The following SMKR1 variants were observed in gnomAD, a reference collection of about 807,000 sequenced individuals.
SMKR1 encodes small lysine rich protein 1, also known as small lysine-rich protein 1.
In SMKR1, 4 loss-of-function variants were observed where a neutral mutation model predicts 4.0. That is an observed-to-expected ratio of 1.00 (90% confidence interval 0.49 to 2.30). The LOEUF is 2.30. SMKR1 is among the 30% of genes most tolerant of loss of function. The probability of loss-of-function intolerance (pLI) is 0.02; values close to 1 mark genes in which losing one functional copy is unlikely to be tolerated. For missense variants in SMKR1, 56 were observed against 81.8 expected (o/e 0.68, Z 1.22); for synonymous variants, 38 against 32.5 (o/e 1.17, Z -0.58).
At chr7:129,510,047 T>C (rs1799510721) in intron 1 of SMKR1, among the ~76,000 whole-genome samples, 1 of 152,224 alleles carries the variant, frequency 6.6e-6, no homozygotes. Flanking sequence ...TCTGTATGTG[T>C]GGGTCAGAGG....
intron 1 of SMKR1, among the ~76,000 whole-genome samples, chr7:129,509,845 A>C (rs1270284544): frequency 6.6e-6 from 1 of 152,132 alleles, no homozygotes; most frequent in Admixed American, 6.6e-5. Context: ...GGCCTATTTT[A>C]GTAGTTGTAA....
At chr7:129,505,772 C>T (rs952964787) in intron 1 of SMKR1, among the ~76,000 whole-genome samples, 2 of 152,158 alleles carry the variant, frequency 1.3e-5, no homozygotes, top group African/African-American at 4.8e-5. Context: ...GCCACCATGC[C>T]CAGCCTGTCA....
chr7:129,509,785 C>T lies in SMKR1; in HGVS notation c.4-2462C>T, dbSNP rs188643906. Among the ~76,000 whole-genome samples the T allele has an allele frequency of 1.1e-4, 16 of 152,252 alleles. No homozygotes were observed. In the South Asian group the frequency reaches 1.4e-3, roughly 14 times the overall value. On this transcript the variant is annotated intron_variant, in intron 1 of 1. Transcript: ENST00000462322. ...CGAACTCCTGACCTTGTGATCTGCC[C>T]GCCTCAGCCTCCCAAAGTGCTGGGA...
chr7:129,506,821 C>T (rs1014906917), intron 1 of SMKR1, among the ~76,000 whole-genome samples: 4 of 151,150 alleles, frequency 2.6e-5, no homozygotes, highest in African/African-American at 9.7e-5. Context: ...ATGGTCTATC[C>T]ATTCGCCTGC....
chr7:129,512,187 A>G lies in SMKR1; in HGVS notation c.4-60A>G, dbSNP rs1057075673. On this transcript the variant is annotated intron_variant, in intron 1 of 1. Transcript: ENST00000462322. ...TGTTGGGAGTGAAACCCTGTCTCAA[A>G]AAAAACAAAAACCAAAAAACTAACT... 25 of 1,454,206 alleles carry G rather than the reference A, an allele frequency of 1.7e-5. No homozygotes were observed. The African/African-American group carries it at 1.7e-4, about 10-fold the overall frequency. 90.1% of individuals were successfully genotyped at this position (1,454,206 alleles called of 1,614,324 possible).
At chr7:129,509,530 C>G (rs572631163) in intron 1 of SMKR1, among the ~76,000 whole-genome samples, 1 of 151,854 alleles carries the variant, frequency 6.6e-6, no homozygotes, top group South Asian at 2.1e-4. Flanking sequence ...TTTCACCTAG[C>G]AAAAATGTAT....
At chr7:129,505,400 T>G (rs557625771) in intron 1 of SMKR1, among the ~76,000 whole-genome samples, 4 of 152,302 alleles carry the variant, frequency 2.6e-5, no homozygotes, top group African/African-American at 9.6e-5. Flanking sequence ...TATCTTGATT[T>G]GGGCAATAAA....
rs558982973 is a variant in SMKR1 at position 129,509,548 on chromosome 7, GT to G, written c.4-2687del. Among the ~76,000 whole-genome samples, 1,111 of 145,588 alleles carry G rather than the reference GT, an allele frequency of 7.6e-3. 15 individuals carry two copies. Among genetic ancestry groups the G allele is most frequent in the African/African-American group, 0.025 (1,004 of 40,048 alleles). On this transcript the variant is annotated intron_variant, in intron 1 of 1. Transcript: ENST00000462322. ...CACCTAGCAAAAATGTATTTCAGCA[GT>G]TTTTTTTTTTTAGACGGAGTCTCAC...
intron 1 of SMKR1, among the ~76,000 whole-genome samples, chr7:129,507,646 G>A (rs1006074986): frequency 2.0e-5 from 3 of 152,312 alleles, no homozygotes; most frequent in East Asian, 1.9e-4. Flanking sequence ...CATCAGAGTT[G>A]TATGAGAGTT....
chr7:129,512,128 G>C, intron 1 of SMKR1, 119 bp from the exon 2 acceptor site: 1 of 1,008,668 alleles, frequency 9.9e-7, no homozygotes, highest in Non-Finnish European at 1.4e-6. Flanking sequence ...AGGTTGTAGT[G>C]AGCCAAGAGC....
At position 129,512,316 on chromosome 7, in the gene SMKR1, G is replaced by A; in HGVS notation, c.73G>A (p.Asp25Asn). ...HGKKQKKPEV[D>N]ILSPAAMLNL... is the part of the protein sequence containing the mutation. Reference sequence around the variant, plus strand: ...GAAGAAACAGAAGAAACCAGAAGTGGACATTCTCAGCCCCGCGGCCATGCT... The same window carrying A: ...GAAGAAACAGAAGAAACCAGAAGTGAACATTCTCAGCCCCGCGGCCATGCT... The change falls in exon 2 of 2, where the codon GAC (aspartate) becomes AAC (asparagine). Residue 25 changes from aspartate to asparagine, a missense_variant. Coordinates refer to ENST00000462322, the MANE Select transcript of SMKR1 (RefSeq NM_001195243.2). The A allele has an allele frequency of 6.5e-7, 1 of 1,535,766 alleles. No individual in the cohort carries two copies. Among genetic ancestry groups the A allele is most frequent in the Non-Finnish European group, 8.7e-7 (1 of 1,146,776 alleles).
intron 1 of SMKR1, among the ~76,000 whole-genome samples, chr7:129,510,855 C>A (rs1236992712): frequency 6.6e-6 from 1 of 152,092 alleles, no homozygotes; most frequent in Non-Finnish European, 1.5e-5. Context: ...GTCCCCCAGG[C>A]TGGAATGCAG....
intron 1 of SMKR1, among the ~76,000 whole-genome samples, chr7:129,506,864 C>T (rs976157044): frequency 6.0e-5 from 8 of 132,248 alleles, no homozygotes; most frequent in East Asian, 2.2e-4. Context: ...TCTTTCTTTT[C>T]TTTTTTTTTT....
intron 1 of SMKR1, among the ~76,000 whole-genome samples, chr7:129,511,321 T>C (rs1337490388): frequency 1.3e-5 from 2 of 152,214 alleles, no homozygotes; most frequent in Non-Finnish European, 2.9e-5. Flanking sequence ...GATTCAGAAA[T>C]AATTAGGATT....
rs565554334 is a variant in SMKR1 at position 129,502,868 on chromosome 7, C to A, written c.3+41C>A. The stretch of plus-strand genomic sequence containing the variant: ...CTAAAGTACCCGGGGCCAGGGCGCG[C>A]GCCGTGGAGCCCCAGGCTGTCCCGG... On this transcript the variant is annotated intron_variant, in intron 1 of 1. Coordinates refer to ENST00000462322, the MANE Select transcript of SMKR1 (RefSeq NM_001195243.2). 3.4e-4 allele frequency: 517 copies of A among 1,534,200 alleles called. 29 individuals are homozygous for A. In the African/African-American group the frequency reaches 6.6e-3, roughly 20 times the overall value.
Position 129,507,224 on chromosome 7 carries a change from C to T in SMKR1, c.3+4397C>T, listed in dbSNP as rs1799479199. On this transcript the variant is annotated intron_variant, in intron 1 of 1. Coordinates refer to ENST00000462322, the MANE Select transcript of SMKR1 (RefSeq NM_001195243.2). Reference sequence around the variant, plus strand: ...TAGAGACAGGGTTTCACCATGTTAGCCAGGACGGTCTCGATCTCCTGACTT... The same window carrying T: ...TAGAGACAGGGTTTCACCATGTTAGTCAGGACGGTCTCGATCTCCTGACTT... 2.6e-5 allele frequency among the ~76,000 whole-genome samples: 4 copies of T among 152,120 alleles called. 1 individual carries two copies. The South Asian group carries it at 8.3e-4, about 32-fold the overall frequency.
intron 1 of SMKR1, 136 bp downstream of exon 1, chr7:129,502,963 G>A: frequency 7.8e-7 from 1 of 1,287,172 alleles, no homozygotes; most frequent in Non-Finnish European, 1.0e-6. Flanking sequence ...AAGATGGAGG[G>A]ACAAGGGGTG....
At chr7:129,503,953 A>C (rs1387207455) in intron 1 of SMKR1, among the ~76,000 whole-genome samples, 1 of 148,274 alleles carries the variant, frequency 6.7e-6, no homozygotes, top group Non-Finnish European at 1.5e-5. Flanking sequence ...TCAGCCTCCC[A>C]AGTAGCTCGG....
chr7:129,507,946 G>C (rs147314390), intron 1 of SMKR1, among the ~76,000 whole-genome samples: 1 of 152,200 alleles, frequency 6.6e-6, no homozygotes, highest in East Asian at 1.9e-4. Context: ...ATTTCCCCCA[G>C]TCTGAGGCTT....
Sources: gnomAD v4.1 joint callset for allele counts (sites outside exome capture counted in the v4.1 genomes callset) on GRCh38, gnomAD v4.1.1 for gene constraint, MANE v1.5 for transcripts, NCBI Gene and HGNC (gene_info 2026-07-23, HGNC 2026-07-21) for gene names.